Variants in CCP110 observed in about 807,000 individuals in gnomAD.
The protein encoded by CCP110 is centriolar coiled-coil protein of 110 kDa.
Under a neutral mutation model 105.5 loss-of-function variants are expected in CCP110, and 43 were observed. The observed-to-expected ratio is 0.41, with a 90% CI of 0.32 to 0.53. The LOEUF (loss-of-function observed/expected upper bound fraction) is 0.53, where lower values mean the gene tolerates loss of function less well. CCP110 is among the 20% of genes least tolerant of loss of function. CCP110 has a pLI of 0.32. For missense variants in CCP110, 1,016 were observed against 1,189.1 expected, an observed-to-expected ratio of 0.85 and a Z score of 2.14; for synonymous variants, 353 against 392.1, an observed-to-expected ratio of 0.90 and a Z score of 1.18.
chr16:19,527,664 A>T (rs1359135693), intron 1 of CCP110, among the ~76,000 whole-genome samples: 5 of 152,202 alleles, frequency 3.3e-5, no homozygotes, highest in African/African-American at 1.2e-4. Context: ...AATATTTAAT[A>T]TATAAAGTAA....
intron 4 of CCP110, among the ~76,000 whole-genome samples, chr16:19,540,453 G>T (rs1016210781): frequency 6.6e-6 from 1 of 152,184 alleles, no homozygotes; most frequent in Non-Finnish European, 1.5e-5. Context: ...AGTGGGTAAA[G>T]GTGATGCAAT....
At chr16:19,545,716 TAG>T (rs1567365205) in intron 10 of CCP110, 99 bp from the exon 11 acceptor site, 3 of 691,158 alleles carry the variant, frequency 4.3e-6, no homozygotes, top group Non-Finnish European at 7.7e-6. Context: ...AAAATGTTAG[TAG>T]AGAGAAGCTT....
intron 3 of CCP110, among the ~76,000 whole-genome samples, chr16:19,534,701 T>A (rs1259499111): frequency 6.6e-6 from 1 of 152,068 alleles, no homozygotes; most frequent in Non-Finnish European, 1.5e-5. Flanking sequence ...ATCTTTTTTG[T>A]TTTATTTTGG....
chr16:19,536,185 G>C (rs202061336), exon 4 of CCP110: 1 of 1,613,934 alleles, frequency 6.2e-7, no homozygotes, highest in African/African-American at 1.3e-5. Flanking sequence ...ATTCTCCGAA[G>C]CAATGTGATA....
intron 2 of CCP110, among the ~76,000 whole-genome samples, chr16:19,531,248 T>C (rs761621633): frequency 9.9e-5 from 15 of 152,210 alleles, no homozygotes; most frequent in Non-Finnish European, 2.2e-4. Flanking sequence ...ACTCCGTCTG[T>C]TATTTATTTA....
At chr16:19,550,882 A>G (rs934506245) in intron 14 of CCP110, among the ~76,000 whole-genome samples, 1 of 152,242 alleles carries the variant, frequency 6.6e-6, no homozygotes, top group African/African-American at 2.4e-5. Flanking sequence ...AGTGAAATTC[A>G]GAAACCACTA....
rs771701964 is a variant in CCP110 at position 19,536,877 on chromosome 16, G to C, written c.1208G>C (p.Gly403Ala). ...AATGCCTGTGAATTAAGCCCTAAAG[G>C]AAAAGAACAGGCAATGGACTTAATT... Residue 403 changes from glycine to alanine, a missense_variant, in exon 4 of 15, where the codon GGA becomes GCA. Gly to Ala is a moderately conservative substitution (Grantham distance 60). Coordinates refer to ENST00000381396, the Ensembl canonical transcript of CCP110. The C allele has an allele frequency of 1.9e-6, 3 of 1,613,996 alleles. No homozygotes were observed. The South Asian group carries it at 3.3e-5, about 18-fold the overall frequency.
rs754890630 is a variant in CCP110, at chr16:19,545,894, A to G, written c.2777+4A>G. 1.9e-6 allele frequency: 3 copies of G among 1,555,290 alleles called. No homozygotes were observed. Among genetic ancestry groups the G allele is most frequent in the African/African-American group, 1.4e-5 (1 of 73,866 alleles). The stretch of plus-strand genomic sequence containing the variant: ...TTGATAGGAAGAAATACATGAAGTA[A>G]GTTTTTTGTATCATGTCATGTTAGT... On this transcript the variant is annotated splice_donor_region_variant and intron_variant, in intron 11 of 14. Transcript: ENST00000381396.
chr16:19,532,399 T>C lies in CCP110; in HGVS notation c.142-17T>C. On this transcript the variant is annotated splice_polypyrimidine_tract_variant and intron_variant, in intron 2 of 14. Transcript: ENST00000381396. ...TTTTATCGTGGGAAATAATTACATTTTTATGATGTTTTGCAGCTTAACATT... is the reference window on the plus strand; with the variant it reads ...TTTTATCGTGGGAAATAATTACATTCTTATGATGTTTTGCAGCTTAACATT... 6.4e-7 allele frequency: 1 copy of C among 1,565,192 alleles called. No homozygotes were observed. The highest frequency in any genetic ancestry group is 8.6e-7 in the Non-Finnish European group (1 of 1,160,592).
exon 7 of CCP110, chr16:19,542,688 A>G: frequency 6.2e-7 from 1 of 1,613,436 alleles, no homozygotes; most frequent in Non-Finnish European, 8.5e-7. Context: ...ACCTCTGGGG[A>G]TCATCAACTA....
exon 4 of CCP110, chr16:19,536,263 T>C: frequency 6.2e-7 from 1 of 1,613,800 alleles, no homozygotes; most frequent in Non-Finnish European, 8.5e-7. Flanking sequence ...CACAAGAAAC[T>C]CTTATTTCTG....
At chr16:19,534,270 C>T (rs1286453608) in intron 3 of CCP110, among the ~76,000 whole-genome samples, 6 of 152,096 alleles carry the variant, frequency 3.9e-5, no homozygotes, top group Non-Finnish European at 1.5e-5. Context: ...ATGAAAATGG[C>T]ATATCATTCT....
chr16:19,535,893 CTT>C (rs763557377), intron 3 of CCP110, 45 bp from the exon 4 acceptor site: 1 of 1,255,340 alleles, frequency 8.0e-7, no homozygotes, highest in East Asian at 2.5e-5. Context: ...AAATCAGAGA[CTT>C]TTTGTGCAAT....
chr16:19,549,027 A>G (rs1176172831), intron 14 of CCP110, among the ~76,000 whole-genome samples: 2 of 152,200 alleles, frequency 1.3e-5, no homozygotes, highest in Non-Finnish European at 2.9e-5. Flanking sequence ...TGAATATGCC[A>G]GTGGGAGGAG....
chr16:19,529,167 C>T (rs957560652), intron 2 of CCP110, among the ~76,000 whole-genome samples: 2 of 152,050 alleles, frequency 1.3e-5, no homozygotes, highest in African/African-American at 4.8e-5. Flanking sequence ...ATAAGTTAAC[C>T]ATTTGGGTTT....
chr16:19,546,236 C>A, intron 11 of CCP110, 176 bp from the exon 12 acceptor site: 1 of 526,750 alleles, frequency 1.9e-6, no homozygotes, highest in East Asian at 3.1e-5. Flanking sequence ...ATCTTAATAA[C>A]TTTTTTAAAA....
intron 2 of CCP110, among the ~76,000 whole-genome samples, chr16:19,530,625 G>A (rs553064784): frequency 5.9e-5 from 9 of 151,542 alleles, no homozygotes; most frequent in Non-Finnish European, 1.3e-4. Context: ...GGCAAAGGTA[G>A]TGAGCCGAGA....
At position 19,536,502 on chromosome 16, in the gene CCP110, G is replaced by C. The variant is rs1032997440; in HGVS notation, c.833G>C (p.Gly278Ala). The C allele has an allele frequency of 4.3e-6, 7 of 1,613,918 alleles. No individual in the cohort carries two copies. In the African/African-American group the frequency reaches 9.3e-5, roughly 22 times the overall value. The change falls in exon 4 of 15, where the codon GGC becomes GCC. Residue 278 changes from glycine to alanine, a missense_variant. Physicochemically the swap from Gly to Ala is moderately conservative, Grantham distance 60 (BLOSUM62 0). Transcript: ENST00000381396. ...GTGGCTGACTGTGTAAAAGAGAAAG[G>C]CCAGTTGACAGGCAAACACTGTGTC...
intron 14 of CCP110, 31 bp from the exon 14 acceptor site, chr16:19,551,165 A>C (rs755946865): frequency 3.6e-6 from 5 of 1,401,518 alleles, no homozygotes; most frequent in Non-Finnish European, 5.1e-6. Flanking sequence ...CCTCCCATTG[A>C]GAAGTAATAC....
Sources: gnomAD v4.1 joint callset for allele counts (sites outside exome capture counted in the v4.1 genomes callset) on GRCh38, gnomAD v4.1.1 for gene constraint, MANE v1.5 for transcripts, NCBI Gene and HGNC (gene_info 2026-07-23, HGNC 2026-07-21) for gene names.